Variants in BCAS1 observed in about 807,000 individuals in gnomAD.
BCAS1 encodes the protein brain enriched myelin associated protein 1, also known as breast carcinoma-amplified sequence 1.
BCAS1 carries 46 observed loss-of-function variants against 65.4 expected under a neutral mutation model. That is an observed-to-expected ratio of 0.70 (90% CI 0.55 to 0.90). The LOEUF (loss-of-function observed/expected upper bound fraction) is 0.90, where lower values mean the gene tolerates loss of function less well. Among genes scored for constraint, BCAS1 ranks in the 40% least tolerant of loss-of-function variants. The pLI, the probability that BCAS1 is intolerant of heterozygous loss-of-function variation, is 0.00. For synonymous variants in BCAS1, 298 were observed against 293.5 expected (o/e 1.02, Z -0.16); for missense variants, 793 against 771.2 (o/e 1.03, Z -0.33).
At chr20:53,984,597 T>C (rs2090564992) in intron 8 of BCAS1, among the ~76,000 whole-genome samples, 1 of 152,202 alleles carries the variant, frequency 6.6e-6, no homozygotes, top group Admixed American at 6.5e-5. Context: ...CTCCAACTTC[T>C]TGCTCATCTT....
intron 3 of BCAS1, among the ~76,000 whole-genome samples, chr20:54,046,622 T>G (rs1023852418): frequency 6.7e-6 from 1 of 149,864 alleles, no homozygotes; most frequent in African/African-American, 2.5e-5. Flanking sequence ...GATGGGCAGA[T>G]CACCTGAAGT....
Position 54,070,432 on chromosome 20 carries a change from C to A in BCAS1, c.-6+1G>T, listed in dbSNP as rs1407334236. 6.6e-6 allele frequency: 1 copy of A among 152,578 alleles called. No homozygotes were observed. The highest frequency in any genetic ancestry group is 2.4e-5 in the African/African-American group (1 of 41,466). 9.5% of individuals were successfully genotyped at this position (152,578 alleles called of 1,614,324 possible). A position where few individuals can be genotyped will look rare whatever the true frequency, so the allele number is the denominator to read the frequency against. ...TGCCTAAAGGATCTGAAAGCAGTTA[C>A]CTGCTGAGCCCCTGTGGGAGTATCT... is the stretch of plus-strand genomic sequence containing the variant. On this transcript the variant is annotated splice_donor_variant, in intron 1 of 12. Coordinates refer to ENST00000688948, the MANE Select transcript of BCAS1 (RefSeq NM_001366298.2). LOFTEE classifies it low-confidence loss of function (5UTR_SPLICE).
chr20:54,050,830 G>T (rs2092199366), intron 3 of BCAS1, among the ~76,000 whole-genome samples: 1 of 152,146 alleles, frequency 6.6e-6, no homozygotes, highest in African/African-American at 2.4e-5. Context: ...TGTTATTGAA[G>T]AACAAATGTT....
chr20:53,963,492 A>G (rs2145600376), intron 10 of BCAS1, among the ~76,000 whole-genome samples: 1 of 152,248 alleles, frequency 6.6e-6, no homozygotes, highest in East Asian at 1.9e-4. Flanking sequence ...AAGAAAAAAA[A>G]AAGAAAAAGG....
intron 3 of BCAS1, among the ~76,000 whole-genome samples, chr20:54,049,518 G>A (rs189088539): frequency 2.0e-5 from 3 of 151,942 alleles, no homozygotes; most frequent in Non-Finnish European, 4.4e-5. Context: ...ATCTGGTCAG[G>A]TGATATGTCA....
chr20:53,989,452 G>A (rs952905822), intron 7 of BCAS1, among the ~76,000 whole-genome samples: 8 of 152,114 alleles, frequency 5.3e-5, no homozygotes, highest in African/African-American at 1.2e-4. Flanking sequence ...TCATGATTAC[G>A]TCCCCAATTC....
At chr20:54,051,726 T>TTTTTTG (rs2092216929) in intron 3 of BCAS1, among the ~76,000 whole-genome samples, 1 of 149,122 alleles carries the variant, frequency 6.7e-6, no homozygotes, top group Non-Finnish European at 1.5e-5. Flanking sequence ...TTTTTTTTTG[T>TTTTTTG]TTGTTGTTGT....
At chr20:54,019,191 G>A (rs911483393) in intron 4 of BCAS1, among the ~76,000 whole-genome samples, 1 of 152,040 alleles carries the variant, frequency 6.6e-6, no homozygotes, top group African/African-American at 2.4e-5. Context: ...ACAACTTCTG[G>A]TCTAAATGCC....
At chr20:53,949,237 C>T (rs373672660) in intron 12 of BCAS1, among the ~76,000 whole-genome samples, 4 of 152,162 alleles carry the variant, frequency 2.6e-5, no homozygotes, top group East Asian at 3.9e-4. Context: ...GGTTTTGTGA[C>T]ATTTTCTTTT....
At chr20:54,009,500 A>G (rs539657962) in intron 4 of BCAS1, among the ~76,000 whole-genome samples, 3 of 152,312 alleles carry the variant, frequency 2.0e-5, no homozygotes, top group African/African-American at 7.2e-5. Context: ...CAAAAAACAC[A>G]AACTATTATA....
intron 3 of BCAS1, among the ~76,000 whole-genome samples, chr20:54,044,835 C>T (rs1453008114): frequency 8.8e-5 from 8 of 90,630 alleles, no homozygotes; most frequent in Non-Finnish European, 1.4e-4. Context: ...GAGACTCTGT[C>T]TCAAAAAAAA....
intron 4 of BCAS1, among the ~76,000 whole-genome samples, chr20:54,020,360 T>C (rs569404225): frequency 1.3e-5 from 2 of 152,350 alleles, no homozygotes; most frequent in Admixed American, 1.3e-4. Flanking sequence ...GATATTTCAA[T>C]GGATTAACGC....
intron 12 of BCAS1, among the ~76,000 whole-genome samples, chr20:53,948,711 G>A (rs1312215879): frequency 2.6e-5 from 4 of 152,310 alleles, no homozygotes; most frequent in East Asian, 3.9e-4. Flanking sequence ...TCTCTTACCT[G>A]TTCTCTCTCC....
At chr20:54,059,493 T>TTG in intron 1 of BCAS1, among the ~76,000 whole-genome samples, 1 of 150,466 alleles carries the variant, frequency 6.6e-6, no homozygotes, top group East Asian at 1.9e-4. Flanking sequence ...ACTACGGCCT[T>TTG]TTTTTTTTCA....
intron 7 of BCAS1, among the ~76,000 whole-genome samples, chr20:53,988,820 C>T (rs1418359319): frequency 6.6e-6 from 1 of 152,084 alleles, no homozygotes; most frequent in Non-Finnish European, 1.5e-5. Flanking sequence ...AGTAACTTGC[C>T]CACAGTTACA....
At chr20:53,982,264 T>C (rs897447501) in intron 8 of BCAS1, among the ~76,000 whole-genome samples, 3 of 152,178 alleles carry the variant, frequency 2.0e-5, no homozygotes, top group East Asian at 3.8e-4. Context: ...AAATAACTTA[T>C]GTAAGGTCAC....
chr20:54,013,411 T>TA (rs1428859934), intron 4 of BCAS1, among the ~76,000 whole-genome samples: 1 of 152,080 alleles, frequency 6.6e-6, no homozygotes, highest in Non-Finnish European at 1.5e-5. Flanking sequence ...GATTGAAAAG[T>TA]AAAAAAATCC....
chr20:53,950,591 G>T (rs1231779900), intron 12 of BCAS1, among the ~76,000 whole-genome samples: 1 of 152,112 alleles, frequency 6.6e-6, no homozygotes, highest in Non-Finnish European at 1.5e-5. Context: ...TTTTAACGTT[G>T]TAGTTTTAAT....
intron 4 of BCAS1, among the ~76,000 whole-genome samples, chr20:54,008,866 C>T (rs1431408852): frequency 6.6e-6 from 1 of 151,036 alleles, no homozygotes; most frequent in African/African-American, 2.4e-5. Flanking sequence ...AGTGTAATGG[C>T]ACAATGGCAC....
Sources: allele counts gnomAD v4.1 joint callset (sites outside exome capture counted in the v4.1 genomes callset), GRCh38; gene constraint gnomAD v4.1.1; transcripts MANE v1.5; gene names NCBI Gene and HGNC (gene_info 2026-07-23, HGNC 2026-07-21).